RUFY3: variants seen among roughly 807,000 people sequenced by gnomAD.
RUFY3 encodes protein RUFY3.
RUFY3 carries 34 observed loss-of-function variants against 84.0 expected under a neutral mutation model. That is an observed-to-expected ratio of 0.40 (90% CI 0.31 to 0.54). The LOEUF (loss-of-function observed/expected upper bound fraction) is 0.54, where lower values mean the gene tolerates loss of function less well. RUFY3 is among the 20% of genes least tolerant of loss of function. RUFY3 has a pLI of 0.39. For missense variants in RUFY3, 507 were observed against 736.8 expected, an observed-to-expected ratio of 0.69 and a Z score of 3.61; for synonymous variants, 242 against 252.9, an observed-to-expected ratio of 0.96 and a Z score of 0.41.
At chr4:70,791,920 G>A (rs1730891949) in intron 12 of RUFY3, 4 of 983,744 alleles carry the variant, frequency 4.1e-6, no homozygotes, top group Non-Finnish European at 3.6e-6. Flanking sequence ...GAAAAAAAAA[G>A]AAAAGAAAAA....
intron 7 of RUFY3, among the ~76,000 whole-genome samples, chr4:70,775,944 C>CAAAAAAAAAAAA (rs11369578): frequency 3.8e-5 from 5 of 132,276 alleles, no homozygotes; most frequent in African/African-American, 1.3e-4. Context: ...CTGTCTTAAA[C>CAAAAAAAAAAAA]AAAAAAAAAA....
chr4:70,741,500 G>A lies in RUFY3; in HGVS notation c.178+18749G>A, dbSNP rs1045641002. 7.2e-5 allele frequency: 48 copies of A among 666,272 alleles called. No individual in the cohort carries two copies. In the Middle Eastern group the frequency reaches 1.2e-3, roughly 17 times the overall value. The allele number at this position is 666,272 out of a possible 1,614,324, so 41.3% of individuals were successfully genotyped here. On this transcript the variant is annotated intron_variant, in intron 1 of 17. Coordinates refer to ENST00000381006, the MANE Select transcript of RUFY3 (RefSeq NM_001037442.4). ...TTGTCACTGTTAATCGCTGTGATAA[G>A]TAGAAAGAATCCTAGGAACCTCCCT...
At position 70,808,191 on chromosome 4, in the gene RUFY3, ATTTTTC is replaced by A; in HGVS notation, c.*1540_*1545del. Among the ~76,000 whole-genome samples, 2 of 151,974 alleles carry A rather than the reference ATTTTTC, an allele frequency of 1.3e-5. No homozygotes were observed. Among genetic ancestry groups the A allele is most frequent in the South Asian group, 4.2e-4 (2 of 4,814 alleles). On this transcript the variant is annotated 3_prime_UTR_variant, in exon 18 of 18. Transcript: ENST00000381006. ...TTTTGCTTTTTTGGAACTTTGTGGA[ATTTTTC>A]TTTTTCTGAATATTTTTGATTGGCA... is the stretch of plus-strand genomic sequence containing the variant.
exon 1 of RUFY3, chr4:70,704,887 C>G (rs1358345176): frequency 1.2e-5 from 14 of 1,166,422 alleles, no homozygotes; most frequent in Middle Eastern, 6.8e-4. Context: ...TCTGCTCCCC[C>G]GCCCAGGCCC....
chr4:70,797,831 A>G (rs948858761), intron 14 of RUFY3, among the ~76,000 whole-genome samples: 7 of 152,142 alleles, frequency 4.6e-5, no homozygotes, highest in Non-Finnish European at 7.4e-5. Context: ...TGACAGATCA[A>G]GACTCCATCT....
At chr4:70,763,473 G>GTGTGTA in intron 2 of RUFY3, 79 bp from the exon 3 acceptor site, 1 of 976,394 alleles carries the variant, frequency 1.0e-6, no homozygotes, top group Non-Finnish European at 1.5e-6. Flanking sequence ...GAAAAGTTGT[G>GTGTGTA]TGTGTATGTG....
chr4:70,787,183 A>T (rs1269825601), intron 10 of RUFY3, among the ~76,000 whole-genome samples: 138 of 125,962 alleles, frequency 1.1e-3, no homozygotes, highest in East Asian at 3.1e-3. Context: ...AAAAAAAAAA[A>T]AAAAATATAT....
intron 9 of RUFY3, among the ~76,000 whole-genome samples, chr4:70,783,488 C>CATGTTT: frequency 6.6e-6 from 1 of 152,302 alleles, no homozygotes; most frequent in South Asian, 2.1e-4. Flanking sequence ...GTTAAACATA[C>CATGTTT]TATTACTTTT....
At chr4:70,729,056 G>C (rs2148606464) in intron 1 of RUFY3, among the ~76,000 whole-genome samples, 1 of 152,230 alleles carries the variant, frequency 6.6e-6, no homozygotes, top group South Asian at 2.1e-4. Context: ...GTATATTTGA[G>C]AACAGTAAAG....
At chr4:70,705,675 G>A (rs1740235296) in intron 1 of RUFY3, among the ~76,000 whole-genome samples, 1 of 152,168 alleles carries the variant, frequency 6.6e-6, no homozygotes, top group South Asian at 2.1e-4. Flanking sequence ...GTCCCGGGCT[G>A]GGAACCTTCC....
At chr4:70,740,614 T>C (rs546496506) in intron 1 of RUFY3, among the ~76,000 whole-genome samples, 1 of 152,342 alleles carries the variant, frequency 6.6e-6, no homozygotes, top group East Asian at 1.9e-4. Flanking sequence ...AAAGTAATAA[T>C]GTGGATGGTA....
At chr4:70,717,703 GAAC>G (rs201079468), upstream of RUFY3, among the ~76,000 whole-genome samples, 691 of 151,978 alleles carry the variant, frequency 4.5e-3, 3 homozygotes, top group Middle Eastern at 0.014. Context: ...AGTGTAGAAG[GAAC>G]ATGGACTTTG....
chr4:70,704,588 A>T (rs1235997832), upstream of RUFY3: 1 of 183,160 alleles, frequency 5.5e-6, no homozygotes, highest in East Asian at 1.4e-4. Context: ...GGAGGCAGTC[A>T]GCCCAGCCGG....
chr4:70,730,004 G>T (rs1015889246), intron 1 of RUFY3, among the ~76,000 whole-genome samples: 1 of 137,624 alleles, frequency 7.3e-6, no homozygotes, highest in Non-Finnish European at 1.5e-5. Flanking sequence ...GCGCAATCTT[G>T]GTTCACTACA....
In RUFY3 at chr4:70,788,872, C is replaced by G. The variant is rs1476197331; in HGVS notation, c.1138C>G (p.Leu380Val). The stretch of plus-strand genomic sequence containing the variant: ...GGAGATGGAATTGGCTATGAAGATG[C>G]TGGAGAAGGATGTCTGTGAGAAGCA... ...RQEMELAMKMLEKDVCEKQDA... is the reference protein window; with the variant it reads ...RQEMELAMKMVEKDVCEKQDA... The change falls in exon 11 of 18, where the codon CTG becomes GTG. Residue 380 changes from leucine to valine, a missense_variant. Transcript: ENST00000381006. 6 of 1,614,110 alleles carry G rather than the reference C, an allele frequency of 3.7e-6. No homozygotes were observed. Among genetic ancestry groups the G allele is most frequent in the Non-Finnish European group, 5.1e-6 (6 of 1,180,018 alleles).
At chr4:70,783,370 C>T (rs1203711071) in intron 9 of RUFY3, among the ~76,000 whole-genome samples, 187 bp downstream of exon 9, 4 of 152,312 alleles carry the variant, frequency 2.6e-5, no homozygotes, top group South Asian at 2.1e-4. Flanking sequence ...CAAGATGCTT[C>T]GTGGCTTCAC....
rs541222755 is a variant in RUFY3 at position 70,781,373 on chromosome 4, G to A, written c.895-1718G>A. ...TGCACACCTGTAGTCCCAGCTACTC[G>A]GCATGCTGAGGAGGGAGGATTGCTT... is the stretch of plus-strand genomic sequence containing the variant. On this transcript the variant is annotated intron_variant, in intron 8 of 17. Coordinates refer to ENST00000381006, the MANE Select transcript of RUFY3 (RefSeq NM_001037442.4). 5.9e-5 allele frequency among the ~76,000 whole-genome samples: 9 copies of A among 152,196 alleles called. No individual in the cohort carries two copies. The East Asian group carries it at 1.2e-3, about 20-fold the overall frequency.
At chr4:70,726,700 C>T (rs1033955977) in intron 1 of RUFY3, among the ~76,000 whole-genome samples, 19 of 152,206 alleles carry the variant, frequency 1.2e-4, no homozygotes, top group Non-Finnish European at 2.5e-4. Context: ...GCCTTCTACC[C>T]GCCCCACAGA....
At position 70,793,643 on chromosome 4, in the gene RUFY3, C is replaced by T. The variant is rs1034635513; in HGVS notation, c.1338-142C>T. On this transcript the variant is annotated intron_variant, in intron 12 of 17. Transcript: ENST00000381006. Reference sequence around the variant, plus strand: ...TCTTTTCCCCCCCATAATTTCTTCACCTGTGTCCTGCAAAGTTTTTTTCCT... The same window carrying T: ...TCTTTTCCCCCCCATAATTTCTTCATCTGTGTCCTGCAAAGTTTTTTTCCT... The T allele has an allele frequency of 8.5e-6, 13 of 1,525,866 alleles. No homozygotes were observed. The African/African-American group carries it at 1.4e-4, about 16-fold the overall frequency. 94.5% of individuals were successfully genotyped at this position (1,525,866 alleles called of 1,614,324 possible).
Sources: gnomAD v4.1 joint callset for allele counts (sites outside exome capture counted in the v4.1 genomes callset) on GRCh38, gnomAD v4.1.1 for gene constraint, MANE v1.5 for transcripts, NCBI Gene and HGNC (gene_info 2026-07-23, HGNC 2026-07-21) for gene names.